GMNN: variants seen among roughly 807,000 people sequenced by gnomAD.
The protein encoded by GMNN is geminin DNA replication inhibitor.
Under a neutral mutation model 20.9 loss-of-function variants are expected in GMNN, and 14 were observed. That is an observed-to-expected ratio of 0.67 (90% confidence interval 0.44 to 1.05). The LOEUF is 1.05. Ranked by LOEUF, GMNN falls within the 50% of genes least tolerant of loss-of-function variation. GMNN has a pLI of 0.00. For synonymous variants in GMNN, 81 were observed against 85.8 expected (o/e 0.94, Z 0.31); for missense variants, 227 against 243.8 (o/e 0.93, Z 0.46).
rs1472543680 is a variant in GMNN at position 24,781,721 on chromosome 6, G to T, written c.274+100G>T. Reference sequence around the variant, plus strand: ...ATTCTGCCAATTACTGTAATCTGGGGATAGTATAACAGCACTATAAATGTT... The same window carrying T: ...ATTCTGCCAATTACTGTAATCTGGGTATAGTATAACAGCACTATAAATGTT... On this transcript the variant is annotated intron_variant, in intron 4 of 6. Transcript: ENST00000230056. 40 of 528,792 alleles carry T rather than the reference G, an allele frequency of 7.6e-5. 1 individual carries two copies. The Admixed American group carries it at 7.9e-4, about 10-fold the overall frequency. The allele number at this position is 528,792 out of a possible 1,614,324, so 32.8% of individuals were successfully genotyped here.
intron 4 of GMNN, among the ~76,000 whole-genome samples, chr6:24,783,272 A>G (rs926294622): frequency 2.0e-5 from 3 of 152,216 alleles, no homozygotes; most frequent in African/African-American, 4.8e-5. Flanking sequence ...TTGAATAAAA[A>G]AGGATATATG....
rs750285375 is a variant in GMNN at position 24,780,683 on chromosome 6, A to G, written c.72A>G (p.Arg24=). The G allele has an allele frequency of 1.1e-5, 18 of 1,592,530 alleles. No homozygotes were observed. The highest frequency in any genetic ancestry group is 1.2e-5 in the Non-Finnish European group (14 of 1,160,528). The change falls in exon 3 of 7, where the codon AGA becomes AGG. Residue 24 remains arginine, a synonymous_variant. Transcript: ENST00000230056. ...TTTAGAATAGTTCTGTCCCAAGAAGAACTCTGAAGATGATTCAGCCTTCTG... is the reference window on the plus strand; with the variant it reads ...TTTAGAATAGTTCTGTCCCAAGAAGGACTCTGAAGATGATTCAGCCTTCTG... ...ENIKNSSVPR[R]TLKMIQPSAS... is the part of the protein sequence containing the mutation.
At chr6:24,779,180 A>C (rs1780145718) in intron 2 of GMNN, among the ~76,000 whole-genome samples, 1 of 152,210 alleles carries the variant, frequency 6.6e-6, no homozygotes, top group South Asian at 2.1e-4. Context: ...GGATTCACAG[A>C]GTATTAAATA....
At chr6:24,778,605 TC>T (rs1287690174) in intron 2 of GMNN, among the ~76,000 whole-genome samples, 1 of 151,548 alleles carries the variant, frequency 6.6e-6, no homozygotes, top group Non-Finnish European at 1.5e-5. Context: ...GCCTTGCTTT[TC>T]TTAGGATTCT....
intron 2 of GMNN, among the ~76,000 whole-genome samples, chr6:24,780,455 A>G (rs1327160659): frequency 6.6e-6 from 1 of 152,238 alleles, no homozygotes; most frequent in South Asian, 2.1e-4. Flanking sequence ...TTTTGGAAAT[A>G]ACAAGTTTGT....
At chr6:24,781,373 AAGTT>A in intron 3 of GMNN, 100 bp from the exon 4 acceptor site, 1 of 618,108 alleles carries the variant, frequency 1.6e-6, no homozygotes, top group African/African-American at 1.9e-5. Flanking sequence ...AGATGTGAAA[AAGTT>A]AGATATGCGT....
At chr6:24,783,208 G>A (rs1780262274) in intron 4 of GMNN, among the ~76,000 whole-genome samples, 1 of 152,166 alleles carries the variant, frequency 6.6e-6, no homozygotes, top group Non-Finnish European at 1.5e-5. Flanking sequence ...ACAGACTACA[G>A]TTGGGAAAAT....
At position 24,778,618 on chromosome 6, in the gene GMNN, A is replaced by G. The variant is rs16889681; in HGVS notation, c.51+1321A>G. Among the ~76,000 whole-genome samples, 1,516 of 152,228 alleles carry G rather than the reference A, an allele frequency of 1.0e-2. 18 individuals are homozygous for G. Among genetic ancestry groups the G allele is most frequent in the East Asian group, 0.042 (220 of 5,186 alleles). ...TTGCCTTGCTTTTCTTAGGATTCTTACAATATTTTTCTTGAATAAGAATGT... is the reference window on the plus strand; with the variant it reads ...TTGCCTTGCTTTTCTTAGGATTCTTGCAATATTTTTCTTGAATAAGAATGT... On this transcript the variant is annotated intron_variant, in intron 2 of 6. Coordinates refer to ENST00000230056, the MANE Select transcript of GMNN (RefSeq NM_015895.5).
Position 24,780,745 on chromosome 6 carries a change from G to A in GMNN, c.129+5G>A. Reference sequence around the variant, plus strand: ...CTTGTTGGAAGAGAAAATGAGGTATGCACTATATGGCTAAAATGGGGTACT... The same window carrying A: ...CTTGTTGGAAGAGAAAATGAGGTATACACTATATGGCTAAAATGGGGTACT... On this transcript the variant is annotated splice_donor_5th_base_variant and intron_variant, in intron 3 of 6. Transcript: ENST00000230056. The A allele has an allele frequency of 7.1e-7, 1 of 1,405,368 alleles. No homozygotes were observed. Among genetic ancestry groups the A allele is most frequent in the Non-Finnish European group, 1.0e-6 (1 of 989,642 alleles). The allele number at this position is 1,405,368 out of a possible 1,614,324, so 87.1% of individuals were successfully genotyped here. A position where few individuals can be genotyped will look rare whatever the true frequency, so the allele number is the denominator to read the frequency against.
chr6:24,784,207 TC>T, intron 5 of GMNN, 38 bp downstream of exon 5: 1 of 1,054,606 alleles, frequency 9.5e-7, no homozygotes, highest in Non-Finnish European at 1.5e-6. Context: ...TTTTAAAAAT[TC>T]CAGGATTGTT....
At chr6:24,782,331 T>C (rs1175411089) in intron 4 of GMNN, among the ~76,000 whole-genome samples, 1 of 152,162 alleles carries the variant, frequency 6.6e-6, no homozygotes, top group Non-Finnish European at 1.5e-5. Flanking sequence ...AAGTACTAGT[T>C]TTTAATAGAA....
chr6:24,784,354 A>G (rs943523463), intron 5 of GMNN, 90 bp from the exon 6 acceptor site: 9 of 724,312 alleles, frequency 1.2e-5, no homozygotes, highest in Middle Eastern at 3.1e-4. Flanking sequence ...TCTATGCTGC[A>G]TGTCCTCCAT....
chr6:24,783,797 AGT>A (rs1458434180), intron 4 of GMNN, among the ~76,000 whole-genome samples: 2 of 152,114 alleles, frequency 1.3e-5, no homozygotes, highest in African/African-American at 4.8e-5. Flanking sequence ...TAAAAATGTC[AGT>A]GTTACATAAA....
chr6:24,776,102 CTT>C (rs11304140), intron 1 of GMNN, among the ~76,000 whole-genome samples: 8 of 144,968 alleles, frequency 5.5e-5, no homozygotes, highest in African/African-American at 1.0e-4. Flanking sequence ...GTTTTCTAAG[CTT>C]TTTTTTTTTT....
rs1331791397 is a variant in GMNN, at chr6:24,780,647, T to C, written c.52-16T>C. On this transcript the variant is annotated splice_polypyrimidine_tract_variant and intron_variant, in intron 2 of 6. Coordinates refer to ENST00000230056, the MANE Select transcript of GMNN (RefSeq NM_015895.5). ...GCAACTCAGTAACAAGATAATGAAT[T>C]ATGCTGACTTTTTAGAATAGTTCTG... 6.9e-7 allele frequency: 1 copy of C among 1,446,032 alleles called. No individual in the cohort carries two copies. Among genetic ancestry groups the C allele is most frequent in the Admixed American group, 1.7e-5 (1 of 59,766 alleles). 89.6% of individuals were successfully genotyped at this position (1,446,032 alleles called of 1,614,324 possible).
At chr6:24,784,721 A>T (rs1780303845) in intron 6 of GMNN, among the ~76,000 whole-genome samples, 167 bp downstream of exon 6, 2 of 152,092 alleles carry the variant, frequency 1.3e-5, no homozygotes, top group African/African-American at 4.8e-5. Context: ...GAGTGGGTTT[A>T]TCCGGTCAGG....
intron 2 of GMNN, 34 bp downstream of exon 2, chr6:24,777,331 A>G: frequency 1.2e-6 from 1 of 813,512 alleles, no homozygotes; most frequent in East Asian, 2.8e-5. Flanking sequence ...TTTTTTTTGT[A>G]GAAAGCATGG....
chr6:24,781,242 T>C (rs1780209020), intron 3 of GMNN, among the ~76,000 whole-genome samples: 1 of 151,868 alleles, frequency 6.6e-6, no homozygotes, highest in Non-Finnish European at 1.5e-5. Context: ...AATAAATAAA[T>C]AATTTCAGCT....
At position 24,785,741 on chromosome 6, in the gene GMNN, T is replaced by A. The variant is rs749698337; in HGVS notation, c.572T>A (p.Ile191Asn). ...GATTCTCTAGTGGAAGACTCAGAAA[T>A]TGGCACGTGTGCTGAAGGAACTGTA... ...VEDSLVEDSE[I>N]GTCAEGTVSS... is the part of the protein sequence containing the mutation. Residue 191 changes from isoleucine to asparagine, a missense_variant, in exon 7 of 7, where the codon ATT becomes AAT. Ile to Asn is a moderately radical substitution (Grantham distance 149). Transcript: ENST00000230056. 1.3e-6 allele frequency: 2 copies of A among 1,589,118 alleles called. No individual in the cohort carries two copies. Among genetic ancestry groups the A allele is most frequent in the Non-Finnish European group, 1.7e-6 (2 of 1,163,234 alleles).
Sources: gnomAD v4.1 joint callset for allele counts (sites outside exome capture counted in the v4.1 genomes callset) on GRCh38, gnomAD v4.1.1 for gene constraint, MANE v1.5 for transcripts, NCBI Gene and HGNC (gene_info 2026-07-23, HGNC 2026-07-21) for gene names.